The following ALDH1L1 variants were observed in gnomAD, a reference collection of about 807,000 sequenced individuals.
ALDH1L1 encodes the protein cytosolic 10-formyltetrahydrofolate dehydrogenase.
Under a neutral mutation model 101.1 loss-of-function variants are expected in ALDH1L1, and 68 were observed. The observed-to-expected ratio is 0.67, with a 90% CI of 0.55 to 0.82. The LOEUF (loss-of-function observed/expected upper bound fraction) is 0.82, where lower values mean the gene tolerates loss of function less well. ALDH1L1 is among the 40% of genes least tolerant of loss of function. The pLI is 0.00. For missense variants in ALDH1L1, 1,087 were observed against 1,172.7 expected (o/e 0.93, Z 1.07); for synonymous variants, 486 against 470.8 (o/e 1.03, Z -0.42).
At chr3:126,171,224 G>A (rs2081270074) in intron 1 of ALDH1L1, among the ~76,000 whole-genome samples, 1 of 152,218 alleles carries the variant, frequency 6.6e-6, no homozygotes, top group African/African-American at 2.4e-5. Context: ...CTTGAACCTG[G>A]GAAGCAGAGG....
At position 126,109,689 on chromosome 3, in the gene ALDH1L1, G is replaced by A. The variant is rs564762971; in HGVS notation, c.2347+255C>T. On this transcript the variant is annotated intron_variant, in intron 20 of 22. Transcript: ENST00000393434. ...ATGGGGGAGAGACTGTCAAGGCTGC[G>A]GTGACAGTAAGGGCAAGTCAGAGTC... 5.7e-4 allele frequency among the ~76,000 whole-genome samples: 87 copies of A among 151,360 alleles called. 1 individual carries two copies. Among genetic ancestry groups the A allele is most frequent in the African/African-American group, 1.6e-3 (66 of 40,808 alleles).
intron 1 of ALDH1L1, among the ~76,000 whole-genome samples, chr3:126,178,422 A>G (rs1208029922): frequency 6.6e-6 from 1 of 151,628 alleles, no homozygotes; most frequent in Non-Finnish European, 1.5e-5. Context: ...AAGGAAAAGA[A>G]TAGAAAGAAA....
chr3:126,143,861 T>C (rs1297862708), intron 9 of ALDH1L1, among the ~76,000 whole-genome samples: 1 of 152,202 alleles, frequency 6.6e-6, no homozygotes, highest in Non-Finnish European at 1.5e-5. Flanking sequence ...GGAGGATCAC[T>C]TGAGCCCAAG....
intron 1 of ALDH1L1, among the ~76,000 whole-genome samples, chr3:126,170,182 T>C (rs1045690563): frequency 2.0e-5 from 3 of 152,204 alleles, no homozygotes; most frequent in Non-Finnish European, 4.4e-5. Context: ...TTTCTACTTC[T>C]CCTTTTAAGC....
chr3:126,135,728 C>T, intron 11 of ALDH1L1, 66 bp from the exon 12 acceptor site: 1 of 1,437,418 alleles, frequency 7.0e-7, no homozygotes, highest in Non-Finnish European at 9.1e-7. Context: ...CCCCTGCCTG[C>T]TTCCCTGGCC....
chr3:126,105,892 G>A lies in ALDH1L1; in HGVS notation c.2487C>T (p.Ala829=), dbSNP rs1369298711. 3.7e-6 allele frequency: 6 copies of A among 1,613,998 alleles called. No homozygotes were observed. In the Admixed American group the frequency reaches 6.7e-5, roughly 18 times the overall value. ...DLDAVLSRAN[A]TEFGLASGVF... ...CACCAGAAGCCAGGCCAAATTCCGT[G>A]GCATTGGCCCGAGACAGCACGGCAT... Residue 829 remains alanine (A), a synonymous_variant, in exon 22 of 23, where the codon GCC becomes GCT. Coordinates refer to ENST00000393434, the MANE Select transcript of ALDH1L1 (RefSeq NM_012190.4).
chr3:126,164,743 G>T (rs536271747), intron 1 of ALDH1L1, among the ~76,000 whole-genome samples: 1 of 152,248 alleles, frequency 6.6e-6, no homozygotes, highest in South Asian at 2.1e-4. Flanking sequence ...CCCAGTAATG[G>T]GATTGCTGGG....
chr3:126,153,847 G>A (rs1002363967), intron 6 of ALDH1L1, among the ~76,000 whole-genome samples: 51 of 152,242 alleles, frequency 3.3e-4, no homozygotes, highest in Admixed American at 3.9e-4. Context: ...CATGGCCTCA[G>A]ACCTGAGGTG....
chr3:126,104,172 T>C (rs533718069), intron 22 of ALDH1L1: 12 of 396,364 alleles, frequency 3.0e-5, no homozygotes, highest in African/African-American at 2.4e-4. Flanking sequence ...CCAGACTCAC[T>C]GGCCCATCTC....
chr3:126,187,526 G>A (rs575409194), intron 1 of ALDH1L1, among the ~76,000 whole-genome samples: 2 of 152,266 alleles, frequency 1.3e-5, no homozygotes, highest in South Asian at 2.1e-4. Context: ...ATGGGAGAGC[G>A]GTGGAAGGAC....
intron 19 of ALDH1L1, chr3:126,110,359 A>G (rs568465693): frequency 1.2e-3 from 682 of 553,850 alleles, no homozygotes; most frequent in Non-Finnish European, 1.6e-3. Flanking sequence ...ATGGAGACAT[A>G]CAGGGGTGTG....
intron 1 of ALDH1L1, among the ~76,000 whole-genome samples, chr3:126,170,905 C>T (rs796670218): frequency 5.1e-4 from 77 of 152,238 alleles, no homozygotes; most frequent in African/African-American, 1.8e-3. Context: ...AACTGCCAAA[C>T]TTCACCCTCA....
At chr3:126,105,487 T>C in intron 22 of ALDH1L1, 1 of 551,832 alleles carries the variant, frequency 1.8e-6, no homozygotes, top group South Asian at 1.9e-5. Flanking sequence ...CAGTGCCTCC[T>C]GGCTGGAGTG....
chr3:126,153,698 T>C (rs753306165), intron 6 of ALDH1L1, 117 bp from the exon 7 acceptor site: 17 of 1,335,076 alleles, frequency 1.3e-5, no homozygotes, highest in Non-Finnish European at 1.7e-5. Flanking sequence ...AGCTGAGACC[T>C]GGGAGCCGGC....
At chr3:126,171,833 G>A (rs2081283257) in intron 1 of ALDH1L1, among the ~76,000 whole-genome samples, 1 of 152,194 alleles carries the variant, frequency 6.6e-6, no homozygotes, top group East Asian at 1.9e-4. Context: ...GCCCAGGGGT[G>A]CAGGCTCACT....
chr3:126,152,308 C>T (rs909111892), intron 7 of ALDH1L1: 1 of 152,248 alleles, frequency 6.6e-6, no homozygotes, highest in Admixed American at 6.5e-5. Context: ...GCTTTGCTTT[C>T]CTCTGCCCTT....
intron 13 of ALDH1L1, 53 bp from the exon 14 acceptor site, chr3:126,130,346 C>G: frequency 6.7e-7 from 1 of 1,482,780 alleles, no homozygotes; most frequent in South Asian, 1.4e-5. Context: ...ACACCCCTTC[C>G]CCTCTAGGCA....
intron 9 of ALDH1L1, 41 bp downstream of exon 9, chr3:126,146,794 A>T (rs1187790767): frequency 6.3e-7 from 1 of 1,598,732 alleles, no homozygotes; most frequent in East Asian, 2.2e-5. Flanking sequence ...GTGACACAGC[A>T]CCAAGTACCT....
At chr3:126,187,864 G>A (rs1203506926) in intron 1 of ALDH1L1, among the ~76,000 whole-genome samples, 2 of 151,366 alleles carry the variant, frequency 1.3e-5, no homozygotes, top group African/African-American at 2.4e-5. Context: ...GAGTCTGAAC[G>A]AGAGGTTCGG....
Sources: allele counts gnomAD v4.1 joint callset (sites outside exome capture counted in the v4.1 genomes callset), GRCh38; gene constraint gnomAD v4.1.1; transcripts MANE v1.5; gene names NCBI Gene and HGNC (gene_info 2026-07-23, HGNC 2026-07-21).